The following CEBPB variants were observed in gnomAD, a reference collection of about 807,000 sequenced individuals.
CEBPB encodes CCAAT/enhancer-binding protein beta.
For synonymous variants in CEBPB, 295 were observed against 267.1 expected, an observed-to-expected ratio of 1.10 and a Z score of -1.02; for missense variants, 498 against 533.1, an observed-to-expected ratio of 0.93 and a Z score of 0.65.
Position 50,192,484 on chromosome 20 carries a change from C to CTA in CEBPB, c.*413_*414insTA, listed in dbSNP as rs2081585992. The CTA allele has an allele frequency of 6.0e-6, 1 of 167,044 alleles. No homozygotes were observed. The highest frequency in any genetic ancestry group is 1.5e-5 in the Non-Finnish European group (1 of 68,182). 10.3% of individuals were successfully genotyped at this position (167,044 alleles called of 1,614,324 possible). On this transcript the variant is annotated 3_prime_UTR_variant, in exon 1 of 1. Transcript: ENST00000303004. ...AACTGTCAGCCGGGCCCTGAGTAATCGCTTAAAGATGTTCCTACGGGCTTG... is the reference window on the plus strand; with the variant it reads ...AACTGTCAGCCGGGCCCTGAGTAATCTAGCTTAAAGATGTTCCTACGGGCTTG...
chr20:50,191,740 C>T lies in CEBPB; in HGVS notation c.707C>T (p.Pro236Leu). The T allele has an allele frequency of 1.3e-6, 2 of 1,525,842 alleles. No individual in the cohort carries two copies. The highest frequency in any genetic ancestry group is 8.8e-7 in the Non-Finnish European group (1 of 1,140,032). 94.5% of individuals were successfully genotyped at this position (1,525,842 alleles called of 1,614,324 possible). Reference protein sequence around the residue: ...TSSSSSPPGTPSPADAKAPPT... With the variant: ...TSSSSSPPGTLSPADAKAPPT... ...TCCTCGTCCAGCCCGCCCGGCACGC[C>T]GAGCCCCGCTGACGCCAAGGCGCCC... is the stretch of plus-strand genomic sequence containing the variant. Residue 236 changes from proline (P) to leucine (L), a missense_variant, in exon 1 of 1, where the codon CCG becomes CTG. Pro to Leu is a moderately conservative substitution (Grantham distance 98, BLOSUM62 -3). Coordinates refer to ENST00000303004, the MANE Select transcript of CEBPB (RefSeq NM_005194.4).
Position 50,190,946 on chromosome 20 carries a change from C to G in CEBPB, c.-88C>G. 7.5e-7 allele frequency: 1 copy of G among 1,329,626 alleles called. No homozygotes were observed. Among genetic ancestry groups the G allele is most frequent in the Non-Finnish European group, 9.6e-7 (1 of 1,046,296 alleles). The allele number at this position is 1,329,626 out of a possible 1,614,324, so 82.4% of individuals were successfully genotyped here. On this transcript the variant is annotated 5_prime_UTR_variant, in exon 1 of 1. Transcript: ENST00000303004. ...GGCGGCAGCAGCAGCAGCGACGCAG[C>G]GGCGACAGCTCAGAGCAGGGAGGCC...
chr20:50,191,989 A>G lies in CEBPB; in HGVS notation c.956A>G (p.Gln319Arg). Residue 319 changes from glutamine (Q) to arginine (R), a missense_variant, in exon 1 of 1, where the codon CAG (glutamine) becomes CGG (arginine). Physicochemically the swap from Gln to Arg is conservative, Grantham distance 43. Transcript: ENST00000303004. Reference protein sequence around the residue: ...ENERLQKKVEQLSRELSTLRN... With the variant: ...ENERLQKKVERLSRELSTLRN... ...GAGCGGCTGCAGAAGAAGGTGGAGCAGCTGTCGCGCGAGCTCAGCACCCTG... is the reference window on the plus strand; with the variant it reads ...GAGCGGCTGCAGAAGAAGGTGGAGCGGCTGTCGCGCGAGCTCAGCACCCTG... The G allele has an allele frequency of 6.2e-7, 1 of 1,610,570 alleles. No homozygotes were observed. The highest frequency in any genetic ancestry group is 8.5e-7 in the Non-Finnish European group (1 of 1,179,018).
chr20:50,191,955 G>A lies in CEBPB; in HGVS notation c.922G>A (p.Ala308Thr). 6.2e-7 allele frequency: 1 copy of A among 1,612,308 alleles called. No individual in the cohort carries two copies. The highest frequency in any genetic ancestry group is 1.3e-5 in the African/African-American group (1 of 75,010). Residue 308 changes from alanine (A) to threonine (T), a missense_variant, in exon 1 of 1, where the codon GCC (alanine) becomes ACC (threonine). Transcript: ENST00000303004. The part of the protein sequence containing the change: ...ETQHKVLELT[A>T]ENERLQKKVE... ...GCAGCACAAGGTCCTGGAGCTCACG[G>A]CCGAGAACGAGCGGCTGCAGAAGAA...
At chr20:50,190,722 G>T (rs922642998), upstream of CEBPB, 1 of 228,216 alleles carries the variant, frequency 4.4e-6, no homozygotes, top group Non-Finnish European at 8.5e-6. Context: ...GGTCTCGGGC[G>T]GCCGCGGCCG....
At position 50,191,477 on chromosome 20, in the gene CEBPB, C is replaced by T. The variant is rs1377016728; in HGVS notation, c.444C>T (p.Ala148=). 9 of 1,468,382 alleles carry T rather than the reference C, an allele frequency of 6.1e-6. No homozygotes were observed. Among genetic ancestry groups the T allele is most frequent in the Non-Finnish European group, 7.2e-6 (8 of 1,106,100 alleles). 91.0% of individuals were successfully genotyped at this position (1,468,382 alleles called of 1,614,324 possible). The change falls in exon 1 of 1, where the codon GCC becomes GCT. Residue 148 remains alanine (A), a synonymous_variant. Coordinates refer to ENST00000303004, the MANE Select transcript of CEBPB (RefSeq NM_005194.4). ...GYVSLGRLGA[A]KGALHPGCFA... is the part of the protein sequence containing the mutation. The stretch of plus-strand genomic sequence containing the variant: ...TGAGCCTGGGGCGCCTGGGGGCCGC[C>T]AAGGGCGCGCTGCACCCCGGCTGCT...
At position 50,190,890 on chromosome 20, in the gene CEBPB, C is replaced by G. The variant is rs894630395; in HGVS notation, c.-144C>G. ...ACCCACCCGAGGGTCCAGCCACCAG[C>G]CCCCTCACTAATAGCGGCCACCCCG... On this transcript the variant is annotated 5_prime_UTR_variant, in exon 1 of 1. Transcript: ENST00000303004. 1.9e-6 allele frequency: 2 copies of G among 1,047,512 alleles called. No homozygotes were observed. Among genetic ancestry groups the G allele is most frequent in the South Asian group, 4.7e-5 (2 of 42,756 alleles). The allele number at this position is 1,047,512 out of a possible 1,614,324, so 64.9% of individuals were successfully genotyped here. A position where few individuals can be genotyped will look rare whatever the true frequency, so the allele number is the denominator to read the frequency against.
rs1307918746 is a variant in CEBPB at position 50,191,196 on chromosome 20, G to C, written c.163G>C (p.Gly55Arg). The part of the protein sequence containing the change: ...APAAPPAARP[G>R]PRPPAGELGS... ...CGCGGCGCCCCCCGCGGCCAGACCCGGGCCGCGCCCCCCCGCCGGCGAGCT... is the reference window on the plus strand; with the variant it reads ...CGCGGCGCCCCCCGCGGCCAGACCCCGGCCGCGCCCCCCCGCCGGCGAGCT... The change falls in exon 1 of 1, where the codon GGG becomes CGG. Residue 55 changes from glycine (G) to arginine (R), a missense_variant. By Grantham distance (125) the Gly-to-Arg change is moderately radical. Coordinates refer to ENST00000303004, the MANE Select transcript of CEBPB (RefSeq NM_005194.4). The C allele has an allele frequency of 2.3e-6, 3 of 1,325,050 alleles. No individual in the cohort carries two copies. Among genetic ancestry groups the C allele is most frequent in the Non-Finnish European group, 2.9e-6 (3 of 1,039,720 alleles). 82.1% of individuals were successfully genotyped at this position (1,325,050 alleles called of 1,614,324 possible).
At chr20:50,190,714 T>G, upstream of CEBPB, 1 of 214,076 alleles carries the variant, frequency 4.7e-6, no homozygotes, top group Non-Finnish European at 9.2e-6. Context: ...CTCCCGGGGG[T>G]CTCGGGCGGC....
chr20:50,192,130 GCCCGCGCCCTCGCC>G lies in CEBPB; in HGVS notation c.*65_*78del. ...GGCTGAGACTCCGGGGAGCGCCCGC[GCCCGCGCCCTCGCC>G]CCCGCCCCCGGCGGCGCCGGCAAAA... On this transcript the variant is annotated 3_prime_UTR_variant, in exon 1 of 1. Transcript: ENST00000303004. 7.7e-7 allele frequency: 1 copy of G among 1,291,946 alleles called. No homozygotes were observed. The highest frequency in any genetic ancestry group is 2.6e-5 in the South Asian group (1 of 38,524). The allele number at this position is 1,291,946 out of a possible 1,614,324, so 80.0% of individuals were successfully genotyped here.
rs1362533499 is a variant in CEBPB, at chr20:50,192,605, T to G, written c.*534T>G. 1 of 167,076 alleles carries G rather than the reference T, an allele frequency of 6.0e-6. No homozygotes were observed. Among genetic ancestry groups the G allele is most frequent in the African/African-American group, 2.4e-5 (1 of 41,464 alleles). The allele number at this position is 167,076 out of a possible 1,614,324, so 10.3% of individuals were successfully genotyped here. A position where few individuals can be genotyped will look rare whatever the true frequency, so the allele number is the denominator to read the frequency against. ...TGAGAAAAGAGGCGTCTGTATATTTTGGGAATCTTTTCCGTTTCAAGCATT... is the reference window on the plus strand; with the variant it reads ...TGAGAAAAGAGGCGTCTGTATATTTGGGGAATCTTTTCCGTTTCAAGCATT... On this transcript the variant is annotated 3_prime_UTR_variant, in exon 1 of 1. Transcript: ENST00000303004.
Position 50,192,159 on chromosome 20 carries a change from C to T in CEBPB, c.*88C>T. On this transcript the variant is annotated 3_prime_UTR_variant, in exon 1 of 1. Coordinates refer to ENST00000303004, the MANE Select transcript of CEBPB (RefSeq NM_005194.4). ...GCGCCCTCGCCCCCGCCCCCGGCGGCGCCGGCAAAACTTTGGCACTGGGGC... is the reference window on the plus strand; with the variant it reads ...GCGCCCTCGCCCCCGCCCCCGGCGGTGCCGGCAAAACTTTGGCACTGGGGC... 5.1e-6 allele frequency: 6 copies of T among 1,169,364 alleles called. No individual in the cohort carries two copies. Among genetic ancestry groups the T allele is most frequent in the Non-Finnish European group, 6.4e-6 (6 of 931,228 alleles). The allele number at this position is 1,169,364 out of a possible 1,614,324, so 72.4% of individuals were successfully genotyped here.
In CEBPB at chr20:50,191,686, G is replaced by C. The variant is rs1177525422; in HGVS notation, c.653G>C (p.Ser218Thr). ...TACCTCGGCTACCAGGCGGTGCCGA[G>C]CGGCAGCAGCGGGAGCCTCTCCACG... is the stretch of plus-strand genomic sequence containing the variant. ...RAYLGYQAVP[S>T]GSSGSLSTSS... The change falls in exon 1 of 1, where the codon AGC becomes ACC. Residue 218 changes from serine (S) to threonine (T), a missense_variant. Transcript: ENST00000303004. The C allele has an allele frequency of 6.9e-7, 1 of 1,455,066 alleles. No individual in the cohort carries two copies. Among genetic ancestry groups the C allele is most frequent in the African/African-American group, 1.5e-5 (1 of 66,624 alleles). The allele number at this position is 1,455,066 out of a possible 1,614,324, so 90.1% of individuals were successfully genotyped here. A position where few individuals can be genotyped will look rare whatever the true frequency, so the allele number is the denominator to read the frequency against.
Position 50,191,131 on chromosome 20 carries a change from C to A in CEBPB, c.98C>A (p.Ala33Glu). Residue 33 changes from alanine (A) to glutamate (E), a missense_variant, in exon 1 of 1, where the codon GCG becomes GAG. Transcript: ENST00000303004. ...SMEVANFYYE[A>E]DCLAAAYGGK... ...GAAGTGGCCAACTTCTACTACGAGG[C>A]GGACTGCTTGGCTGCTGCGTACGGC... is the stretch of plus-strand genomic sequence containing the variant. The A allele has an allele frequency of 6.5e-7, 1 of 1,542,544 alleles. No individual in the cohort carries two copies. The highest frequency in any genetic ancestry group is 1.4e-5 in the African/African-American group (1 of 70,008).
chr20:50,191,347 C>A lies in CEBPB; in HGVS notation c.314C>A (p.Ala105Asp). Residue 105 changes from alanine to aspartate, a missense_variant, in exon 1 of 1, where the codon GCC becomes GAC. Ala to Asp is a moderately radical substitution (Grantham distance 126). Coordinates refer to ENST00000303004, the MANE Select transcript of CEBPB (RefSeq NM_005194.4). The part of the protein sequence containing the change: ...DTFEAAPPAP[A>D]PAPASSGQHH... ...TTCGAGGCGGCTCCGCCCGCGCCCG[C>A]CCCCGCGCCCGCCTCCTCCGGGCAG... 6.9e-7 allele frequency: 1 copy of A among 1,451,890 alleles called. No homozygotes were observed. The highest frequency in any genetic ancestry group is 1.3e-5 in the South Asian group (1 of 76,972). 89.9% of individuals were successfully genotyped at this position (1,451,890 alleles called of 1,614,324 possible).
chr20:50,190,780 G>A (rs1601256782), upstream of CEBPB: 26 of 342,482 alleles, frequency 7.6e-5, no homozygotes, highest in East Asian at 1.2e-3. Flanking sequence ...GCGTGACGCA[G>A]CGGTTGCTAC....
At position 50,192,038 on chromosome 20, in the gene CEBPB, C is replaced by G; in HGVS notation, c.1005C>G (p.Pro335=). 1.9e-6 allele frequency: 3 copies of G among 1,592,062 alleles called. No homozygotes were observed. The highest frequency in any genetic ancestry group is 2.6e-6 in the Non-Finnish European group (3 of 1,171,540). The change falls in exon 1 of 1, where the codon CCC becomes CCG. Residue 335 remains proline (P), a synonymous_variant. Coordinates refer to ENST00000303004, the MANE Select transcript of CEBPB (RefSeq NM_005194.4). ...STLRNLFKQL[P]EPLLASSGHC ...TGCGGAACTTGTTCAAGCAGCTGCC[C>G]GAGCCCCTGCTCGCCTCCTCCGGCC...
Position 50,191,317 on chromosome 20 carries a change from A to C in CEBPB, c.284A>C (p.Asp95Ala), listed in dbSNP as rs1014037357. 99 of 1,422,112 alleles carry C rather than the reference A, an allele frequency of 7.0e-5. No individual in the cohort carries two copies. Among genetic ancestry groups the C allele is most frequent in the Middle Eastern group, 1.9e-4 (1 of 5,336 alleles). The allele number at this position is 1,422,112 out of a possible 1,614,324, so 88.1% of individuals were successfully genotyped here. Residue 95 changes from aspartate to alanine, a missense_variant, in exon 1 of 1, where the codon GAC becomes GCC. Transcript: ENST00000303004. ...GCCCCGGCGCCCGCCACGGCCACGG[A>C]CACCTTCGAGGCGGCTCCGCCCGCG... The part of the protein sequence containing the change: ...PQAPAPATAT[D>A]TFEAAPPAPA...
Position 50,192,259 on chromosome 20 carries a change from C to A in CEBPB, c.*188C>A. 4.1e-6 allele frequency: 1 copy of A among 244,188 alleles called. No individual in the cohort carries two copies. The highest frequency in any genetic ancestry group is 1.7e-4 in the South Asian group (1 of 5,880). 15.1% of individuals were successfully genotyped at this position (244,188 alleles called of 1,614,324 possible). ...TATATATCTATATTTTTGTCCAAAC[C>A]AACCGCACATGCAGATGGGGCTCCC... On this transcript the variant is annotated 3_prime_UTR_variant, in exon 1 of 1. Coordinates refer to ENST00000303004, the MANE Select transcript of CEBPB (RefSeq NM_005194.4).
Sources: gnomAD v4.1 joint callset for allele counts on GRCh38, gnomAD v4.1.1 for gene constraint, MANE v1.5 for transcripts, NCBI Gene and HGNC (gene_info 2026-07-23, HGNC 2026-07-21) for gene names.